KCNG3: variants seen among roughly 807,000 people sequenced by gnomAD.
KCNG3 encodes potassium voltage-gated channel modifier subfamily G member 3, also known as voltage-gated potassium channel regulatory subunit KCNG3.
Under a neutral mutation model 29.0 loss-of-function variants are expected in KCNG3, and 15 were observed. That is an observed-to-expected ratio of 0.52 (90% CI 0.35 to 0.80). The LOEUF (loss-of-function observed/expected upper bound fraction) is 0.80. KCNG3 is among the 30% of genes least tolerant of loss of function. The pLI, the probability that KCNG3 is intolerant of heterozygous loss-of-function variation, is 0.01. For synonymous variants in KCNG3, 322 were observed against 248.9 expected (o/e 1.29, Z -2.76); for missense variants, 512 against 605.7 (o/e 0.85, Z 1.62).
intron 1 of KCNG3, among the ~76,000 whole-genome samples, chr2:42,450,549 T>C (rs1672722630): frequency 6.6e-6 from 1 of 152,174 alleles, no homozygotes; most frequent in Non-Finnish European, 1.5e-5. Context: ...AAACTAAAGA[T>C]ACATCACATT....
At chr2:42,407,316 C>T in the KCNG3 span, among the ~76,000 whole-genome samples, 1 of 152,012 alleles carries the variant, frequency 6.6e-6, no homozygotes, top group Admixed American at 6.6e-5. Context: ...ACTTGAACTA[C>T]AGGCGTGCGC....
chr2:42,398,706 G>A, the KCNG3 span, among the ~76,000 whole-genome samples: 1 of 152,190 alleles, frequency 6.6e-6, no homozygotes, highest in Admixed American at 6.5e-5. Context: ...AGAGGCAAGG[G>A]GAAATGTTCT....
the KCNG3 span, among the ~76,000 whole-genome samples, chr2:42,432,108 G>A: frequency 6.6e-6 from 1 of 151,924 alleles, no homozygotes. Context: ...CTTTTTGCAG[G>A]TACAAGGATC....
chr2:42,475,556 C>T (rs1673403637), intron 1 of KCNG3, among the ~76,000 whole-genome samples: 1 of 151,476 alleles, frequency 6.6e-6, no homozygotes, highest in Non-Finnish European at 1.5e-5. Context: ...TCTCGAACTC[C>T]TGGCCTCAAC....
At chr2:42,492,792 A>C (rs1673929415) in intron 1 of KCNG3, 45 bp downstream of exon 1, 2 of 1,403,906 alleles carry the variant, frequency 1.4e-6, no homozygotes, top group South Asian at 1.7e-5. Context: ...GGACGGACAG[A>C]CGCGACAGGA....
downstream of KCNG3, chr2:42,440,238 G>A (rs1672443520): frequency 6.6e-6 from 1 of 152,136 alleles, no homozygotes; most frequent in Non-Finnish European, 1.5e-5. Context: ...TGATTGAATT[G>A]TATATTACAC....
intron 1 of KCNG3, among the ~76,000 whole-genome samples, chr2:42,490,157 T>A (rs2103743673): frequency 6.6e-6 from 1 of 152,358 alleles, no homozygotes; most frequent in Non-Finnish European, 1.5e-5. Context: ...GACTCACGCT[T>A]CCATAAACTT....
At chr2:42,483,889 T>G (rs1673651679) in intron 1 of KCNG3, among the ~76,000 whole-genome samples, 1 of 152,112 alleles carries the variant, frequency 6.6e-6, no homozygotes, top group Non-Finnish European at 1.5e-5. Context: ...ACTTCTAGGT[T>G]CAAGTGATCC....
chr2:42,437,234 T>C (rs1672392734), downstream of KCNG3, among the ~76,000 whole-genome samples: 1 of 152,198 alleles, frequency 6.6e-6, no homozygotes, highest in African/African-American at 2.4e-5. Context: ...GCCCAGTTTC[T>C]GATCTTTTTA....
chr2:42,452,996 G>T (rs1672800665), intron 1 of KCNG3, among the ~76,000 whole-genome samples: 1 of 152,176 alleles, frequency 6.6e-6, no homozygotes, highest in South Asian at 2.1e-4. Context: ...TGGCCAAGCT[G>T]GTCTCGAACT....
the KCNG3 span, among the ~76,000 whole-genome samples, chr2:42,394,099 G>A: frequency 6.6e-6 from 1 of 152,094 alleles, no homozygotes; most frequent in Non-Finnish European, 1.5e-5. Context: ...CCTTTAATTA[G>A]TCTTCCTGGG....
the KCNG3 span, among the ~76,000 whole-genome samples, chr2:42,404,586 G>T: frequency 9.9e-5 from 15 of 152,170 alleles, 1 homozygote; most frequent in Admixed American, 6.5e-4. Flanking sequence ...AAAATTAGCC[G>T]GGCGTCGTGG....
the KCNG3 span, among the ~76,000 whole-genome samples, chr2:42,415,034 G>C: frequency 6.6e-6 from 1 of 152,124 alleles, no homozygotes; most frequent in Non-Finnish European, 1.5e-5. Context: ...TGGATTTGTA[G>C]ATTTTCCTTG....
At chr2:42,479,084 A>T (rs893986794) in intron 1 of KCNG3, among the ~76,000 whole-genome samples, 64 of 151,888 alleles carry the variant, frequency 4.2e-4, no homozygotes, top group Admixed American at 4.1e-3. Flanking sequence ...AAAGTTTCAG[A>T]TTTTGGCACG....
intron 1 of KCNG3, among the ~76,000 whole-genome samples, chr2:42,477,349 A>ATG (rs1266695099): frequency 6.7e-6 from 1 of 149,390 alleles, no homozygotes; most frequent in African/African-American, 2.5e-5. Context: ...TACTATATAT[A>ATG]TGTGTGTGTA....
At position 42,493,357 on chromosome 2, in the gene KCNG3, C is replaced by A; in HGVS notation, c.145G>T (p.Glu49Ter). 2 of 1,579,930 alleles carry A rather than the reference C, an allele frequency of 1.3e-6. No individual in the cohort carries two copies. The highest frequency in any genetic ancestry group is 2.3e-5 in the East Asian group (1 of 43,828). ...HGCRSERDVL[E>*]VCDDYDRERN... ...TCGCGGTCGTAGTCGTCGCACACCT[C>A]GAGCACGTCGCGCTCGGAGCGGCAG... The change falls in exon 1 of 2, where the codon GAG becomes TAG. Residue 49 changes from glutamate to a stop codon, truncating the protein, a stop_gained. Transcript: ENST00000306078. LOFTEE classifies it high-confidence loss of function.
chr2:42,473,005 T>G (rs4311098), intron 1 of KCNG3, among the ~76,000 whole-genome samples: 2 of 149,464 alleles, frequency 1.3e-5, no homozygotes, highest in East Asian at 2.0e-4. Context: ...AGGTTCACGC[T>G]ATTCTCCTGC....
chr2:42,419,526 C>G, the KCNG3 span, among the ~76,000 whole-genome samples: 2 of 151,716 alleles, frequency 1.3e-5, no homozygotes, highest in Non-Finnish European at 2.9e-5. Flanking sequence ...ACAGGCGTAT[C>G]CCACCTGTAA....
In KCNG3 at chr2:42,493,551, C is replaced by T. The variant is rs1010533286; in HGVS notation, c.-50G>A. ...GCCCGAGGGCCCCGCTGCAGCCCCCCACCCCAAGCCGCCACGCGGGGCCTG... is the reference window on the plus strand; with the variant it reads ...GCCCGAGGGCCCCGCTGCAGCCCCCTACCCCAAGCCGCCACGCGGGGCCTG... On this transcript the variant is annotated 5_prime_UTR_variant, in exon 1 of 2. Transcript: ENST00000306078. 2.3e-6 allele frequency: 3 copies of T among 1,288,146 alleles called. No individual in the cohort carries two copies. Among genetic ancestry groups the T allele is most frequent in the East Asian group, 3.1e-5 (1 of 31,786 alleles). 79.8% of individuals were successfully genotyped at this position (1,288,146 alleles called of 1,614,324 possible).
Sources: allele counts gnomAD v4.1 joint callset (sites outside exome capture counted in the v4.1 genomes callset), GRCh38; gene constraint gnomAD v4.1.1; transcripts MANE v1.5; gene names NCBI Gene and HGNC (gene_info 2026-07-23, HGNC 2026-07-21).